Variants in COL26A1 observed in about 807,000 individuals in gnomAD.
COL26A1 encodes collagen alpha-1(XXVI) chain.
Under a neutral mutation model 59.3 loss-of-function variants are expected in COL26A1, and 41 were observed. That is an observed-to-expected ratio of 0.69 (90% CI 0.54 to 0.90). The LOEUF (loss-of-function observed/expected upper bound fraction) is 0.90, where lower values mean the gene tolerates loss of function less well. COL26A1 is among the 40% of genes least tolerant of loss of function. The pLI, the probability that COL26A1 is intolerant of heterozygous loss-of-function variation, is 0.00. For synonymous variants in COL26A1, 266 were observed against 256.0 expected (o/e 1.04, Z -0.37); for missense variants, 612 against 602.3 (o/e 1.02, Z -0.17).
At chr7:101,388,568 T>A (rs1791647896) in intron 1 of COL26A1, among the ~76,000 whole-genome samples, 1 of 143,756 alleles carries the variant, frequency 7.0e-6, no homozygotes. Context: ...ACCACCTATT[T>A]TCTTTTTTTT....
chr7:101,481,064 C>A (rs1378379115), intron 3 of COL26A1, among the ~76,000 whole-genome samples: 1 of 152,124 alleles, frequency 6.6e-6, no homozygotes, highest in African/African-American at 2.4e-5. Flanking sequence ...AACCTCAGAT[C>A]CAAACAAGGC....
intron 2 of COL26A1, among the ~76,000 whole-genome samples, chr7:101,428,758 T>A (rs971266139): frequency 5.9e-5 from 9 of 151,932 alleles, no homozygotes; most frequent in Middle Eastern, 6.8e-3. Flanking sequence ...CCTGCCTCGC[T>A]CGGCCTCTCA....
At chr7:101,372,038 G>A (rs1206431779) in intron 1 of COL26A1, among the ~76,000 whole-genome samples, 1 of 152,192 alleles carries the variant, frequency 6.6e-6, no homozygotes, top group Non-Finnish European at 1.5e-5. Flanking sequence ...TATTAATAAT[G>A]TTCTTAGGAA....
At chr7:101,488,043 C>T (rs1794305093) in intron 3 of COL26A1, among the ~76,000 whole-genome samples, 1 of 151,728 alleles carries the variant, frequency 6.6e-6, no homozygotes, top group African/African-American at 2.4e-5. Context: ...AAGGTCAAGG[C>T]AGGCAGATCA....
intron 3 of COL26A1, among the ~76,000 whole-genome samples, chr7:101,520,664 C>CACACACACACACACACACACACA (rs1554341000): frequency 1.0e-4 from 10 of 95,884 alleles, no homozygotes; most frequent in Admixed American, 5.9e-4. Flanking sequence ...ACACACACAC[C>CACACACACACACACACACACACA]CCCGTGTTCT....
rs869149636 is a variant in COL26A1 at position 101,366,474 on chromosome 7, ATTTTTTTTTTTTTTTTTTTTTTTTT to A, written c.158+3303_158+3327del. Among the ~76,000 whole-genome samples, 47 of 76,268 alleles carry A rather than the reference ATTTTTTTTTTTTTTTTTTTTTTTTT, an allele frequency of 6.2e-4. 1 individual carries two copies. The highest frequency in any genetic ancestry group is 6.1e-4 in the Non-Finnish European group (21 of 34,272). 50.0% of individuals were successfully genotyped at this position (76,268 alleles called of 152,430 possible). On this transcript the variant is annotated intron_variant, in intron 1 of 12. Coordinates refer to ENST00000313669, the MANE Select transcript of COL26A1 (RefSeq NM_001278563.3). ...TGTTACTGCTCCTTGTTAACGTCTG[ATTTTTTTTTTTTTTTTTTTTTTTTT>A]TTTTTTTTTTTTTTTTTTAAAGACA...
intron 2 of COL26A1, among the ~76,000 whole-genome samples, chr7:101,445,798 G>T (rs1400965710): frequency 7.3e-6 from 1 of 137,456 alleles, no homozygotes; most frequent in African/African-American, 2.7e-5. Flanking sequence ...GTCTGTAATC[G>T]CAGCGCTTTG....
intron 2 of COL26A1, among the ~76,000 whole-genome samples, chr7:101,429,273 T>G (rs1393049391): frequency 6.6e-6 from 1 of 152,142 alleles, no homozygotes; most frequent in Admixed American, 6.6e-5. Flanking sequence ...ACATTTAAAT[T>G]CATCATACAT....
intron 3 of COL26A1, among the ~76,000 whole-genome samples, chr7:101,487,843 C>T (rs572235006): frequency 7.2e-5 from 11 of 152,276 alleles, no homozygotes; most frequent in South Asian, 6.2e-4. Flanking sequence ...ATTTTCCAGA[C>T]CACAAAGTGA....
intron 1 of COL26A1, among the ~76,000 whole-genome samples, chr7:101,363,655 G>T (rs1002300519): frequency 1.3e-5 from 2 of 151,708 alleles, no homozygotes; most frequent in South Asian, 2.1e-4. Context: ...GTTCGGGTCC[G>T]GCTCCGGGGC....
At chr7:101,501,833 T>A (rs1036589730) in intron 3 of COL26A1, among the ~76,000 whole-genome samples, 1 of 151,956 alleles carries the variant, frequency 6.6e-6, no homozygotes, top group African/African-American at 2.4e-5. Context: ...CAAACACAGG[T>A]TGTGTATACA....
At chr7:101,540,163 A>G (rs1441033148) in intron 5 of COL26A1, 114 bp downstream of exon 5, 1 of 1,118,416 alleles carries the variant, frequency 8.9e-7, no homozygotes, top group Non-Finnish European at 1.2e-6. Context: ...CCAACATGCC[A>G]TGTGGCATTT....
intron 3 of COL26A1, among the ~76,000 whole-genome samples, chr7:101,452,104 C>G (rs1280401204): frequency 6.6e-6 from 1 of 152,198 alleles, no homozygotes; most frequent in Admixed American, 6.6e-5. Context: ...AAGTGACATT[C>G]TCCTGGGGTG....
intron 6 of COL26A1, 57 bp downstream of exon 6, chr7:101,544,153 C>A: frequency 7.3e-7 from 1 of 1,372,294 alleles, no homozygotes; most frequent in Non-Finnish European, 1.0e-6. Flanking sequence ...GCTGGGCTTT[C>A]TTCTCTACTG....
At chr7:101,522,819 G>GT (rs1287750847) in intron 3 of COL26A1, among the ~76,000 whole-genome samples, 2 of 137,202 alleles carry the variant, frequency 1.5e-5, no homozygotes, top group Admixed American at 7.4e-5. Context: ...CTAATACTTG[G>GT]TTAAAAAAAA....
intron 3 of COL26A1, among the ~76,000 whole-genome samples, chr7:101,474,120 T>C (rs1793978293): frequency 6.6e-6 from 1 of 152,156 alleles, no homozygotes; most frequent in South Asian, 2.1e-4. Context: ...CCAGTAACCC[T>C]GGGCAGCAGG....
At chr7:101,514,837 C>T (rs113074660) in intron 3 of COL26A1, among the ~76,000 whole-genome samples, 1 of 152,226 alleles carries the variant, frequency 6.6e-6, no homozygotes, top group Non-Finnish European at 1.5e-5. Context: ...TCCGCCACCA[C>T]CATATCCCTA....
At chr7:101,403,388 A>G (rs1256696074) in intron 1 of COL26A1, among the ~76,000 whole-genome samples, 2 of 152,056 alleles carry the variant, frequency 1.3e-5, no homozygotes, top group African/African-American at 4.8e-5. Flanking sequence ...GTGTGGTGGT[A>G]TGTGCCTGTA....
intron 3 of COL26A1, among the ~76,000 whole-genome samples, chr7:101,523,909 C>A (rs1795187915): frequency 6.6e-6 from 1 of 151,844 alleles, no homozygotes; most frequent in Non-Finnish European, 1.5e-5. Context: ...GGGATTTTGA[C>A]TGGGATTGCA....
Sources: allele counts gnomAD v4.1 joint callset (sites outside exome capture counted in the v4.1 genomes callset), GRCh38; gene constraint gnomAD v4.1.1; transcripts MANE v1.5; gene names NCBI Gene and HGNC (gene_info 2026-07-23, HGNC 2026-07-21).